The following MGAT4C variants were observed in gnomAD, a reference collection of about 807,000 sequenced individuals.
MGAT4C encodes the protein MGAT4 family member C, also known as alpha-1,3-mannosyl-glycoprotein 4-beta-N-acetylglucosaminyltransferase C.
A neutral mutation model predicts 40.1 loss-of-function variants in MGAT4C; 19 were observed. That is an observed-to-expected ratio of 0.47 (90% CI 0.33 to 0.70). The LOEUF is 0.70. Ranked by LOEUF, MGAT4C falls within the 30% of genes least tolerant of loss-of-function variation. MGAT4C has a pLI of 0.02. For missense variants in MGAT4C, 491 were observed against 563.2 expected (o/e 0.87, Z 1.30); for synonymous variants, 181 against 187.1 (o/e 0.97, Z 0.27).
intron 2 of MGAT4C, among the ~76,000 whole-genome samples, chr12:86,722,413 G>A (rs547326497): frequency 1.3e-5 from 2 of 152,152 alleles, no homozygotes; most frequent in Non-Finnish European, 2.9e-5. Context: ...TCTATTGTGG[G>A]GCCTTTTCTT....
intron 1 of MGAT4C, among the ~76,000 whole-genome samples, chr12:86,757,389 TA>T (rs1951323856): frequency 6.6e-6 from 1 of 152,122 alleles, no homozygotes; most frequent in Admixed American, 6.6e-5. Context: ...TATAAATTAC[TA>T]TATTAAAAAA....
Position 85,968,156 on chromosome 12 carries a change from G to T in MGAT4C, c.*11133C>A, listed in dbSNP as rs2136654315. ...CAAGGCATACATGCTGACATTTGAAGGATTTATGAAAAAAAGTCCACTGTG... is the reference window on the plus strand; with the variant it reads ...CAAGGCATACATGCTGACATTTGAATGATTTATGAAAAAAAGTCCACTGTG... On this transcript the variant is annotated 3_prime_UTR_variant, in exon 5 of 5. Coordinates refer to ENST00000611864, the MANE Select transcript of MGAT4C (RefSeq NM_001351288.2). The T allele has an allele frequency of 6.6e-6, 1 of 152,050 alleles. No individual in the cohort carries two copies. The highest frequency in any genetic ancestry group is 1.9e-4 in the East Asian group (1 of 5,174). The allele number at this position is 152,050 out of a possible 1,614,324, so 9.4% of individuals were successfully genotyped here.
chr12:86,649,045 G>A (rs1015139296), intron 2 of MGAT4C, among the ~76,000 whole-genome samples: 1 of 151,622 alleles, frequency 6.6e-6, no homozygotes, highest in African/African-American at 2.4e-5. Context: ...ATTTATTCAG[G>A]AATTTAAACA....
At chr12:86,830,460 AT>A (rs920298265) in intron 1 of MGAT4C, among the ~76,000 whole-genome samples, 7 of 151,540 alleles carry the variant, frequency 4.6e-5, no homozygotes, top group African/African-American at 1.7e-4. Flanking sequence ...ATGTGTACAT[AT>A]GTGAAGATTT....
At chr12:86,227,881 A>T in intron 1 of MGAT4C, among the ~76,000 whole-genome samples, 1 of 151,930 alleles carries the variant, frequency 6.6e-6, no homozygotes, top group Admixed American at 6.6e-5. Context: ...TACAGCTAGA[A>T]ATATAAACCA....
chr12:86,532,571 A>G (rs1959003361), intron 2 of MGAT4C, among the ~76,000 whole-genome samples: 1 of 152,048 alleles, frequency 6.6e-6, no homozygotes. Flanking sequence ...ATAATTTTGA[A>G]TAGTCCAATT....
At chr12:86,189,207 G>A (rs1007185264) in intron 1 of MGAT4C, among the ~76,000 whole-genome samples, 6 of 151,760 alleles carry the variant, frequency 4.0e-5, no homozygotes, top group African/African-American at 9.7e-5. Context: ...GCTTTTCAAC[G>A]TCTCAACCCA....
intron 2 of MGAT4C, among the ~76,000 whole-genome samples, chr12:86,542,267 A>T (rs1228822525): frequency 1.1e-4 from 17 of 152,188 alleles, no homozygotes; most frequent in Admixed American, 1.1e-3. Context: ...ACTGATATTC[A>T]TGATGTGGAC....
At chr12:86,447,605 A>C (rs1428225129) in intron 2 of MGAT4C, among the ~76,000 whole-genome samples, 1 of 152,162 alleles carries the variant, frequency 6.6e-6, no homozygotes, top group African/African-American at 2.4e-5. Flanking sequence ...AGAGAGTAAA[A>C]TAAATAATAA....
chr12:86,587,666 C>A (rs1273215763), intron 2 of MGAT4C, among the ~76,000 whole-genome samples: 1 of 151,970 alleles, frequency 6.6e-6, no homozygotes, highest in Admixed American at 6.6e-5. Flanking sequence ...TCCTTCATGT[C>A]CCTTGTAAGG....
chr12:85,961,149 A>G lies in MGAT4C; in HGVS notation c.*18140T>C, dbSNP rs1050898711. Reference sequence around the variant, plus strand: ...CTCATTAGTATTCTAATTCTCCTTCAGTCAGATTTATAAAGTATGACCTAT... The same window carrying G: ...CTCATTAGTATTCTAATTCTCCTTCGGTCAGATTTATAAAGTATGACCTAT... On this transcript the variant is annotated 3_prime_UTR_variant, in exon 5 of 5. Transcript: ENST00000611864. 3 of 151,954 alleles carry G rather than the reference A, an allele frequency of 2.0e-5. No individual in the cohort carries two copies. The highest frequency in any genetic ancestry group is 7.2e-5 in the African/African-American group (3 of 41,434). 9.4% of individuals were successfully genotyped at this position (151,954 alleles called of 1,614,324 possible).
chr12:86,331,538 CTTA>C (rs1954668643), intron 4 of MGAT4C, among the ~76,000 whole-genome samples: 2 of 152,090 alleles, frequency 1.3e-5, no homozygotes, highest in African/African-American at 4.8e-5. Flanking sequence ...CTTCTGAGAT[CTTA>C]TTAGGAAACT....
chr12:86,728,410 G>A (rs983002831), intron 1 of MGAT4C, among the ~76,000 whole-genome samples: 1 of 152,194 alleles, frequency 6.6e-6, no homozygotes, highest in Non-Finnish European at 1.5e-5. Context: ...TGAATGTTTG[G>A]CTGGTTGCAG....
At chr12:86,515,253 A>T (rs1958662550) in intron 2 of MGAT4C, among the ~76,000 whole-genome samples, 1 of 152,144 alleles carries the variant, frequency 6.6e-6, no homozygotes, top group African/African-American at 2.4e-5. Context: ...TTCATTTCTC[A>T]CTCAATTTAT....
intron 1 of MGAT4C, among the ~76,000 whole-genome samples, chr12:86,102,813 A>G (rs367893056): frequency 3.9e-5 from 6 of 152,116 alleles, no homozygotes; most frequent in African/African-American, 1.4e-4. Flanking sequence ...AATGTTTACC[A>G]TTTTAACATT....
intron 1 of MGAT4C, among the ~76,000 whole-genome samples, chr12:86,248,904 G>A (rs1192680734): frequency 2.0e-5 from 3 of 152,052 alleles, no homozygotes; most frequent in African/African-American, 7.2e-5. Flanking sequence ...TTCCCATGCT[G>A]AGCACCTCTT....
At chr12:86,104,758 A>G (rs1875827693) in intron 1 of MGAT4C, among the ~76,000 whole-genome samples, 2 of 152,194 alleles carry the variant, frequency 1.3e-5, no homozygotes, top group Non-Finnish European at 2.9e-5. Flanking sequence ...ATTGAAAATA[A>G]CCTTTCCATT....
intron 2 of MGAT4C, among the ~76,000 whole-genome samples, chr12:86,521,601 T>C (rs1248114876): frequency 6.6e-6 from 1 of 151,906 alleles, no homozygotes; most frequent in Non-Finnish European, 1.5e-5. Context: ...TATGAATTTT[T>C]AATTTTTTTT....
chr12:86,321,536 C>T (rs1213199986), intron 4 of MGAT4C, among the ~76,000 whole-genome samples: 1 of 152,054 alleles, frequency 6.6e-6, no homozygotes, highest in East Asian at 1.9e-4. Flanking sequence ...TAAGACACAC[C>T]ATTGAAAACA....
Sources: gnomAD v4.1 joint callset for allele counts (sites outside exome capture counted in the v4.1 genomes callset) on GRCh38, gnomAD v4.1.1 for gene constraint, MANE v1.5 for transcripts, NCBI Gene and HGNC (gene_info 2026-07-23, HGNC 2026-07-21) for gene names.